EXOSC10: variants seen among roughly 807,000 people sequenced by gnomAD.
EXOSC10 encodes exosome complex component 10.
Under a neutral mutation model 126.6 loss-of-function variants are expected in EXOSC10, and 94 were observed. The observed-to-expected ratio is 0.74, with a 90% CI of 0.63 to 0.88. The LOEUF (loss-of-function observed/expected upper bound fraction) is 0.88. EXOSC10 is among the 40% of genes least tolerant of loss of function. The pLI, the probability that EXOSC10 is intolerant of heterozygous loss-of-function variation, is 0.00. For missense variants in EXOSC10, 1,041 were observed against 1,100.5 expected (o/e 0.95, Z 0.77); for synonymous variants, 395 against 400.8 (o/e 0.99, Z 0.17).
In EXOSC10 at chr1:11,078,264, C is replaced by CTTTTTTTTT. The variant is rs1220119181; in HGVS notation, c.1750-622_1750-614dup. ...TGGGTGTCAGAGCAAGACCCTGTTT[C>CTTTTTTTTT]TTTTTTTTTTTGAGACGGAGTCTCG... On this transcript the variant is annotated intron_variant, in intron 14 of 24. Coordinates refer to ENST00000376936, the MANE Select transcript of EXOSC10 (RefSeq NM_001001998.3). 4.9e-3 allele frequency among the ~76,000 whole-genome samples: 704 copies of CTTTTTTTTT among 143,654 alleles called. 29 individuals are homozygous for CTTTTTTTTT. Among genetic ancestry groups the CTTTTTTTTT allele is most frequent in the African/African-American group, 0.017 (663 of 38,326 alleles). The allele number at this position is 143,654 out of a possible 152,430, so 94.2% of individuals were successfully genotyped here.
intron 6 of EXOSC10, among the ~76,000 whole-genome samples, chr1:11,088,993 G>A (rs1640648058): frequency 6.6e-6 from 1 of 152,130 alleles, no homozygotes; most frequent in Non-Finnish European, 1.5e-5. Context: ...AGTCGAGGCA[G>A]GAGGACTGCT....
chr1:11,083,606 T>C (rs988956718), intron 9 of EXOSC10, among the ~76,000 whole-genome samples: 17 of 150,498 alleles, frequency 1.1e-4, no homozygotes, highest in Non-Finnish European at 7.4e-5. Flanking sequence ...GCAGGGTTTT[T>C]TTTAAGTTAA....
At chr1:11,090,446 G>A in intron 6 of EXOSC10, 108 bp downstream of exon 6, 2 of 895,710 alleles carry the variant, frequency 2.2e-6, no homozygotes, top group Non-Finnish European at 3.6e-6. Context: ...GTGTAAGGAG[G>A]AAATCACTAC....
intron 22 of EXOSC10, 41 bp downstream of exon 22, chr1:11,069,518 G>A (rs375685400): frequency 1.9e-4 from 302 of 1,595,572 alleles, no homozygotes; most frequent in Admixed American, 8.0e-4. Flanking sequence ...CCCCTCTGAC[G>A]CGCACAGATG....
At chr1:11,072,216 C>T (rs1218443084) in intron 19 of EXOSC10, 45 bp from the exon 20 acceptor site, 5 of 1,441,576 alleles carry the variant, frequency 3.5e-6, no homozygotes, top group East Asian at 2.3e-5. Flanking sequence ...CCAAAGTCAG[C>T]CACCTAAGTC....
intron 10 of EXOSC10, among the ~76,000 whole-genome samples, chr1:11,082,120 A>G (rs527941026): frequency 3.9e-5 from 6 of 152,146 alleles, no homozygotes; most frequent in African/African-American, 1.4e-4. Context: ...GCATTCTGGC[A>G]TGTGGAATTC....
chr1:11,077,416 G>A lies in EXOSC10; in HGVS notation c.1828C>T (p.His610Tyr). ...TCCGGAGGGGCATGGGAGCAGTCGT[G>A]AGGTCCAAAGAGAACATTCTCCAAT... ...ERLENVLFGP[H>Y]DCSHAPPDGY... Residue 610 changes from histidine (H) to tyrosine (Y), a missense_variant, in exon 16 of 25, where the codon CAC becomes TAC. By Grantham distance (83) the His-to-Tyr change is moderately conservative. Around this residue, in one of 3 missense-constraint regions of EXOSC10, gnomAD observed 388 missense variants for 415.2 expected, o/e 0.93. Transcript: ENST00000376936. 6.2e-7 allele frequency: 1 copy of A among 1,614,102 alleles called. No individual in the cohort carries two copies. The highest frequency in any genetic ancestry group is 8.5e-7 in the Non-Finnish European group (1 of 1,179,984).
intron 20 of EXOSC10, chr1:11,071,275 C>T (rs1388880711): frequency 1.3e-5 from 5 of 378,926 alleles, no homozygotes; most frequent in African/African-American, 8.2e-5. Flanking sequence ...GTCACCATCA[C>T]CATCGTGGAC....
chr1:11,080,563 A>AACACAC lies in EXOSC10; in HGVS notation c.1587-20_1587-15dup, dbSNP rs70977543. On this transcript the variant is annotated splice_polypyrimidine_tract_variant and intron_variant, in intron 12 of 24. Coordinates refer to ENST00000376936, the MANE Select transcript of EXOSC10 (RefSeq NM_001001998.3). The stretch of plus-strand genomic sequence containing the variant: ...GGCAGTACATATCTGGAAAAAAAAA[A>AACACAC]ACACACACACACACACACACACACA... 5.2e-4 allele frequency: 736 copies of AACACAC among 1,422,950 alleles called. No individual in the cohort carries two copies. The highest frequency in any genetic ancestry group is 1.9e-3 in the African/African-American group (117 of 60,128). The allele number at this position is 1,422,950 out of a possible 1,614,324, so 88.1% of individuals were successfully genotyped here. A position where few individuals can be genotyped will look rare whatever the true frequency, so the allele number is the denominator to read the frequency against.
intron 9 of EXOSC10, among the ~76,000 whole-genome samples, chr1:11,084,480 T>C (rs1206241540): frequency 1.3e-5 from 2 of 152,222 alleles, no homozygotes; most frequent in African/African-American, 2.4e-5. Flanking sequence ...GGGTTATTTT[T>C]TTCTTGTAAA....
chr1:11,091,720 G>T, intron 3 of EXOSC10, 123 bp from the exon 4 acceptor site: 1 of 706,004 alleles, frequency 1.4e-6, no homozygotes, highest in Non-Finnish European at 2.4e-6. Flanking sequence ...GTGCAGTGGC[G>T]CAATCTTGCC....
chr1:11,086,754 A>G (rs1640516460), intron 9 of EXOSC10, among the ~76,000 whole-genome samples: 1 of 152,214 alleles, frequency 6.6e-6, no homozygotes, highest in Admixed American at 6.6e-5. Flanking sequence ...AGAAATAAAG[A>G]TGTTCTTTGA....
chr1:11,095,182 A>T (rs1641006152), intron 3 of EXOSC10, among the ~76,000 whole-genome samples: 1 of 149,358 alleles, frequency 6.7e-6, no homozygotes, highest in Admixed American at 6.7e-5. Flanking sequence ...ACTGCACTCC[A>T]GCCTGGGCAA....
intron 3 of EXOSC10, chr1:11,095,339 C>T (rs577963806): frequency 1.0e-3 from 154 of 153,050 alleles, no homozygotes; most frequent in Admixed American, 1.8e-3. Flanking sequence ...AAGCTTATTT[C>T]CTTTTCATTT....
chr1:11,068,057 G>C lies in EXOSC10; in HGVS notation c.2578C>G (p.Gln860Glu). 1 of 1,614,114 alleles carries C rather than the reference G, an allele frequency of 6.2e-7. No homozygotes were observed. The highest frequency in any genetic ancestry group is 8.5e-7 in the Non-Finnish European group (1 of 1,180,034). The change falls in exon 24 of 25, where the codon CAG becomes GAG. Residue 860 changes from glutamine to glutamate, a missense_variant. Around this residue, in one of 3 missense-constraint regions of EXOSC10, gnomAD observed 388 missense variants for 415.2 expected, o/e 0.93. Coordinates refer to ENST00000376936, the MANE Select transcript of EXOSC10 (RefSeq NM_001001998.3). ...GACATGCTTTTGTTTCCCACCGACTGTTTAATTTTTTTGGCTGCAATGCAT... is the reference window on the plus strand; with the variant it reads ...GACATGCTTTTGTTTCCCACCGACTCTTTAATTTTTTTGGCTGCAATGCAT... Reference protein sequence around the residue: ...KKCIAAKKIKQSVGNKSMSFP... With the variant: ...KKCIAAKKIKESVGNKSMSFP...
At chr1:11,094,653 T>G (rs933355433) in intron 3 of EXOSC10, among the ~76,000 whole-genome samples, 16 of 144,376 alleles carry the variant, frequency 1.1e-4, no homozygotes, top group African/African-American at 3.9e-4. Context: ...CAGGCTGGAG[T>G]GCAGTGGCAT....
chr1:11,081,868 A>G (rs1640184763), intron 10 of EXOSC10, among the ~76,000 whole-genome samples: 1 of 152,108 alleles, frequency 6.6e-6, no homozygotes, highest in South Asian at 2.1e-4. Flanking sequence ...GGATCACCTG[A>G]GGTCAGGAGT....
Position 11,087,915 on chromosome 1 carries a change from A to G in EXOSC10, c.835-5T>C. ...CTCTTCTATAGGTCTGTATAACTGG[A>G]TCAAGAGAATAGTAAGAAAAAGGGA... On this transcript the variant is annotated splice_region_variant and splice_polypyrimidine_tract_variant and intron_variant, in intron 7 of 24. Coordinates refer to ENST00000376936, the MANE Select transcript of EXOSC10 (RefSeq NM_001001998.3). 6.5e-7 allele frequency: 1 copy of G among 1,533,232 alleles called. No homozygotes were observed. The highest frequency in any genetic ancestry group is 9.0e-7 in the Non-Finnish European group (1 of 1,111,250). The allele number at this position is 1,533,232 out of a possible 1,614,324, so 95.0% of individuals were successfully genotyped here.
Position 11,088,184 on chromosome 1 carries a change from T to A in EXOSC10, c.773A>T (p.Tyr258Phe), listed in dbSNP as rs1469865280. The A allele has an allele frequency of 6.2e-7, 1 of 1,612,198 alleles. No individual in the cohort carries two copies. Among genetic ancestry groups the A allele is most frequent in the South Asian group, 1.1e-5 (1 of 90,660 alleles). Residue 258 changes from tyrosine to phenylalanine, a missense_variant, in exon 7 of 25, where the codon TAT becomes TTT. By Grantham distance (22) the Tyr-to-Phe change is conservative (BLOSUM62 3). Around this residue, in one of 3 missense-constraint regions of EXOSC10, gnomAD observed 645 missense variants for 656.3 expected, o/e 0.98. Transcript: ENST00000376936. ...GGTAAAGTGATTTAGTTCATATTGA[T>A]AAGGATGTGCAAACCTGAGTAAATA... ...QVEQDMFAHPYQYELNHFTPA... is the reference protein window; with the variant it reads ...QVEQDMFAHPFQYELNHFTPA...
Sources: allele counts gnomAD v4.1 joint callset (sites outside exome capture counted in the v4.1 genomes callset), GRCh38; gene constraint gnomAD v4.1.1; regional missense constraint gnomAD v4.1.1; transcripts MANE v1.5; gene names NCBI Gene and HGNC (gene_info 2026-07-23, HGNC 2026-07-21).